Variants in CELF2 observed in about 807,000 individuals in gnomAD.
The protein encoded by CELF2 is CUGBP Elav-like family member 2, also known as CUG triplet repeat RNA-binding protein 2.
A neutral mutation model predicts 62.6 loss-of-function variants in CELF2; 8 were observed. The observed-to-expected ratio is 0.13, with a 90% confidence interval of 0.07 to 0.23. CELF2 has a LOEUF of 0.23. CELF2 is among the 10% of genes least tolerant of loss of function. The probability of loss-of-function intolerance (pLI) is 1.00; values close to 1 mark genes in which losing one functional copy is unlikely to be tolerated. For missense variants in CELF2, 333 were observed against 671.0 expected (o/e 0.50, Z 5.56); for synonymous variants, 258 against 250.0 (o/e 1.03, Z -0.30).
chr10:10,490,666 G>T, the CELF2 span, among the ~76,000 whole-genome samples: 1 of 152,026 alleles, frequency 6.6e-6, no homozygotes, highest in Non-Finnish European at 1.5e-5. Flanking sequence ...AAGAAGAGCA[G>T]AAAAAAGTGA....
chr10:11,103,651 T>G lies in CELF2; in HGVS notation c.75-61835T>G, dbSNP rs140643230. The stretch of plus-strand genomic sequence containing the variant: ...CACACGCAACTCTCGACACATGAAA[T>G]TAAACATTGTACCTGGCTCATGTTT... On this transcript the variant is annotated intron_variant, in intron 1 of 12. Transcript: ENST00000633077. Among the ~76,000 whole-genome samples the G allele has an allele frequency of 5.9e-5, 9 of 152,246 alleles. No individual in the cohort carries two copies. The East Asian group carries it at 1.7e-3, about 29-fold the overall frequency.
chr10:10,576,532 G>C, the CELF2 span, among the ~76,000 whole-genome samples: 1 of 152,094 alleles, frequency 6.6e-6, no homozygotes, highest in Non-Finnish European at 1.5e-5. Flanking sequence ...TTAAGAACCC[G>C]ATGGTACCAC....
chr10:11,105,128 C>CT (rs1273460973), intron 1 of CELF2, among the ~76,000 whole-genome samples: 7 of 152,356 alleles, frequency 4.6e-5, no homozygotes, highest in South Asian at 4.1e-4. Flanking sequence ...AAATAAAACT[C>CT]TAAGTCCAGA....
chr10:11,022,147 TA>T lies in CELF2; in HGVS notation c.74+3988del, dbSNP rs377248818. ...TACTCTGATGGTCATGAAAGGAAAT[TA>T]AAATGAGAAAAGTCTAAAGAAAAGA... On this transcript the variant is annotated intron_variant, in intron 1 of 12. Coordinates refer to ENST00000633077, the MANE Select transcript of CELF2 (RefSeq NM_001326342.2). Among the ~76,000 whole-genome samples the T allele has an allele frequency of 4.6e-5, 7 of 152,314 alleles. No homozygotes were observed. In the East Asian group the frequency reaches 1.2e-3, roughly 25 times the overall value.
At chr10:11,131,264 G>A (rs1000439067) in intron 1 of CELF2, among the ~76,000 whole-genome samples, 1 of 152,204 alleles carries the variant, frequency 6.6e-6, no homozygotes, top group Non-Finnish European at 1.5e-5. Context: ...CAGCTGTCAT[G>A]TGCTTAGCTT....
chr10:10,596,279 G>A, the CELF2 span, among the ~76,000 whole-genome samples: 1 of 151,536 alleles, frequency 6.6e-6, no homozygotes, highest in Non-Finnish European at 1.5e-5. Flanking sequence ...AAATAGCATA[G>A]CAATACCACA....
At chr10:10,711,395 T>C in the CELF2 span, among the ~76,000 whole-genome samples, 1 of 152,194 alleles carries the variant, frequency 6.6e-6, no homozygotes, top group African/African-American at 2.4e-5. Context: ...GGCTTTGTGA[T>C]TGGCTGGTGT....
At chr10:10,731,050 C>T in the CELF2 span, among the ~76,000 whole-genome samples, 1 of 152,102 alleles carries the variant, frequency 6.6e-6, no homozygotes, top group Non-Finnish European at 1.5e-5. Flanking sequence ...TGTTAAAATG[C>T]CACATGGTAT....
the CELF2 span, among the ~76,000 whole-genome samples, chr10:10,741,484 C>T: frequency 3.4e-4 from 42 of 124,426 alleles, no homozygotes; most frequent in African/African-American, 1.2e-3. Context: ...CAGAGAGAGA[C>T]TCCGTCTCAA....
chr10:10,754,209 A>G, the CELF2 span, among the ~76,000 whole-genome samples: 4 of 151,740 alleles, frequency 2.6e-5, no homozygotes, highest in Non-Finnish European at 4.4e-5. Flanking sequence ...CAGTGGCACA[A>G]TCACAGCTCA....
At chr10:10,474,854 T>C in the CELF2 span, among the ~76,000 whole-genome samples, 1 of 152,096 alleles carries the variant, frequency 6.6e-6, no homozygotes, top group Non-Finnish European at 1.5e-5. Context: ...TCAGATGTGA[T>C]GAGGTCAGGA....
the CELF2 span, among the ~76,000 whole-genome samples, chr10:10,594,343 A>G: frequency 6.6e-6 from 1 of 151,990 alleles, no homozygotes; most frequent in African/African-American, 2.4e-5. Context: ...GGTAAGTTTG[A>G]GATGCCTATA....
At chr10:11,088,833 G>A (rs1291812) in intron 1 of CELF2, among the ~76,000 whole-genome samples, 2,021 of 152,308 alleles carry the variant, frequency 0.013, 48 homozygotes, top group African/African-American at 0.046. Context: ...AATGACAGGT[G>A]ACTCAGCTGG....
chr10:10,470,238 C>T, the CELF2 span, among the ~76,000 whole-genome samples: 4 of 151,826 alleles, frequency 2.6e-5, no homozygotes. Context: ...AGTATCTCTA[C>T]CGTCATCCTT....
intron 1 of CELF2, among the ~76,000 whole-genome samples, chr10:11,111,351 G>A (rs368424507): frequency 1.3e-5 from 2 of 152,150 alleles, no homozygotes; most frequent in Non-Finnish European, 2.9e-5. Context: ...TTCATAGAGT[G>A]GATTCTGTTG....
the CELF2 span, among the ~76,000 whole-genome samples, chr10:10,713,565 G>A: frequency 5.3e-3 from 807 of 152,266 alleles, 22 homozygotes; most frequent in South Asian, 0.081. Flanking sequence ...ACGACCCTTC[G>A]GTGATTTTGA....
chr10:10,607,960 C>T, the CELF2 span, among the ~76,000 whole-genome samples: 1 of 151,806 alleles, frequency 6.6e-6, no homozygotes, highest in Non-Finnish European at 1.5e-5. Flanking sequence ...AACTCTGTCT[C>T]TTCTAAAACT....
At chr10:10,856,576 CATA>C (rs1311607114) in intron 1 of CELF2, among the ~76,000 whole-genome samples, 8 of 152,116 alleles carry the variant, frequency 5.3e-5, no homozygotes, top group African/African-American at 1.7e-4. Context: ...CTTCTCATTG[CATA>C]ATATTTTTTA....
chr10:11,085,497 A>C (rs1444723296), intron 1 of CELF2, among the ~76,000 whole-genome samples: 4 of 152,204 alleles, frequency 2.6e-5, no homozygotes, highest in African/African-American at 9.6e-5. Flanking sequence ...ATAATAGCTA[A>C]CATTTACAAA....
Sources: allele counts gnomAD v4.1 joint callset (sites outside exome capture counted in the v4.1 genomes callset), GRCh38; gene constraint gnomAD v4.1.1; transcripts MANE v1.5; gene names NCBI Gene and HGNC (gene_info 2026-07-23, HGNC 2026-07-21).